NAA30: variants seen among roughly 807,000 people sequenced by gnomAD.
NAA30 encodes N-alpha-acetyltransferase 30.
In NAA30, 5 loss-of-function variants were observed where a neutral mutation model predicts 31.4. The observed-to-expected ratio is 0.16, with a 90% CI of 0.08 to 0.33. The LOEUF (loss-of-function observed/expected upper bound fraction) is 0.33, where lower values mean the gene tolerates loss of function less well. NAA30 is among the 10% of genes least tolerant of loss of function. The probability of loss-of-function intolerance (pLI) is 1.00; values close to 1 mark genes in which losing one functional copy is unlikely to be tolerated. For synonymous variants in NAA30, 222 were observed against 207.1 expected (o/e 1.07, Z -0.62); for missense variants, 428 against 490.8 (o/e 0.87, Z 1.21).
intron 2 of NAA30, among the ~76,000 whole-genome samples, chr14:57,393,708 A>G (rs1045631251): frequency 6.6e-6 from 1 of 152,148 alleles, no homozygotes; most frequent in African/African-American, 2.4e-5. Flanking sequence ...CAATCTCCAG[A>G]TATTTACTGA....
chr14:57,399,857 G>A lies in NAA30; in HGVS notation c.925G>A (p.Ala309Thr). ...GTNLVKKAIY[A>T]MVEGDCDEVV... ...TAACTTGGTTAAGAAAGCTATATAT[G>A]CCATGGTTGAGGGAGACTGTGATGA... Residue 309 changes from alanine to threonine, a missense_variant, in exon 4 of 5, where the codon GCC becomes ACC. Transcript: ENST00000556492. 1 of 1,545,948 alleles carries A rather than the reference G, an allele frequency of 6.5e-7. No homozygotes were observed. Among genetic ancestry groups the A allele is most frequent in the Non-Finnish European group, 8.9e-7 (1 of 1,120,834 alleles).
intron 3 of NAA30, among the ~76,000 whole-genome samples, chr14:57,397,991 TG>T (rs1447091468): frequency 6.6e-6 from 1 of 152,220 alleles, no homozygotes; most frequent in Non-Finnish European, 1.5e-5. Context: ...GACAAGCATT[TG>T]TCTAAGCATG....
intron 4 of NAA30, among the ~76,000 whole-genome samples, chr14:57,407,546 A>G (rs1296237442): frequency 6.6e-6 from 1 of 152,178 alleles, no homozygotes; most frequent in Non-Finnish European, 1.5e-5. Flanking sequence ...TAGACAGAAA[A>G]CAGTTTATTT....
At chr14:57,405,563 T>G in intron 4 of NAA30, among the ~76,000 whole-genome samples, 1 of 152,182 alleles carries the variant, frequency 6.6e-6, no homozygotes, top group Middle Eastern at 3.2e-3. Flanking sequence ...AATAACTGAT[T>G]ATGAGACACC....
chr14:57,398,701 C>T (rs778854453), intron 3 of NAA30, among the ~76,000 whole-genome samples: 2 of 151,956 alleles, frequency 1.3e-5, no homozygotes, highest in South Asian at 2.1e-4. Flanking sequence ...GGCATGATCT[C>T]GACTCACTGC....
chr14:57,407,298 G>A lies in NAA30; in HGVS notation c.952-2081G>A, dbSNP rs1679974115. Among the ~76,000 whole-genome samples the A allele has an allele frequency of 2.0e-5, 3 of 152,092 alleles. No individual in the cohort carries two copies. In the South Asian group the frequency reaches 6.2e-4, roughly 32 times the overall value. On this transcript the variant is annotated intron_variant, in intron 4 of 4. Transcript: ENST00000556492. ...CTTAGGAGCGTGTTTTCTTGATCCT[G>A]AACTGTTAATTACTTCATTTTAGAT...
intron 1 of NAA30, 88 bp from the exon 2 acceptor site, chr14:57,390,869 C>T (rs1186715320): frequency 7.2e-7 from 1 of 1,385,606 alleles, no homozygotes; most frequent in African/African-American, 1.5e-5. Context: ...TTCCCCCCAC[C>T]TCGGCCGCCC....
chr14:57,395,675 T>TCTA (rs2066447398), intron 2 of NAA30, among the ~76,000 whole-genome samples: 1 of 152,180 alleles, frequency 6.6e-6, no homozygotes, highest in Non-Finnish European at 1.5e-5. Context: ...GCTGTACGTT[T>TCTA]TTATTAAAAT....
chr14:57,410,603 A>G lies in NAA30; in HGVS notation c.*1087A>G, dbSNP rs1190895180. ...GTCTTGGAAATAAATTTCAAGGTGC[A>G]TTGTATCCATTTTAAGCTGCTTTAT... On this transcript the variant is annotated 3_prime_UTR_variant, in exon 5 of 5. Transcript: ENST00000556492. 1 of 152,136 alleles carries G rather than the reference A, an allele frequency of 6.6e-6. No homozygotes were observed. 9.4% of individuals were successfully genotyped at this position (152,136 alleles called of 1,614,324 possible). A position where few individuals can be genotyped will look rare whatever the true frequency, so the allele number is the denominator to read the frequency against.
Position 57,391,900 on chromosome 14 carries a change from G to GT in NAA30, c.771+173dup, listed in dbSNP as rs1478993324. Among the ~76,000 whole-genome samples, 2 of 152,184 alleles carry GT rather than the reference G, an allele frequency of 1.3e-5. No homozygotes were observed. The highest frequency in any genetic ancestry group is 4.8e-5 in the African/African-American group (2 of 41,434). ...GTTATTTAATGAAATTGTTTTGAAG[G>GT]TAAGACTTCATGATTCGGGTTAACG... On this transcript the variant is annotated intron_variant, in intron 2 of 4. Transcript: ENST00000556492. The surrounding 1 kb of genome is among the most constrained non-coding windows in gnomAD (Gnocchi z 4.1).
At chr14:57,393,086 A>T (rs1239011753) in intron 2 of NAA30, among the ~76,000 whole-genome samples, 1 of 152,202 alleles carries the variant, frequency 6.6e-6, no homozygotes, top group Non-Finnish European at 1.5e-5. Flanking sequence ...ATTGCTAAAA[A>T]TTGTAGATTT....
Position 57,391,466 on chromosome 14 carries a change from C to T in NAA30, c.509C>T (p.Ala170Val). The T allele has an allele frequency of 6.2e-7, 1 of 1,611,150 alleles. No homozygotes were observed. The highest frequency in any genetic ancestry group is 1.1e-5 in the South Asian group (1 of 90,946). The change falls in exon 2 of 5, where the codon GCC becomes GTC. Residue 170 changes from alanine to valine, a missense_variant. This residue lies in a region of NAA30 where 349 missense variants were observed against 310.4 expected (regional missense o/e 1.12). Coordinates refer to ENST00000556492, the MANE Select transcript of NAA30 (RefSeq NM_001011713.3). This position sits in a 1 kb window ranked among gnomAD's most constrained non-coding sequence, Gnocchi z 4.1. ...CCCGCGGCGGCCCGCAATGGACTGG[C>T]CGAGGGCACCGAGCAGGAGGAGGAG... ...SDPAAARNGL[A>V]EGTEQEEEEE...
At chr14:57,390,790 C>T (rs1003986085) in intron 1 of NAA30, 85 bp downstream of exon 1, 3 of 571,716 alleles carry the variant, frequency 5.2e-6, no homozygotes, top group Admixed American at 1.0e-4. Context: ...AGCAGCTGGG[C>T]GGCGCTGAAG....
At chr14:57,393,183 G>C (rs1293240650) in intron 2 of NAA30, among the ~76,000 whole-genome samples, 1 of 152,170 alleles carries the variant, frequency 6.6e-6, no homozygotes, top group Admixed American at 6.5e-5. Flanking sequence ...GGAAATAGTT[G>C]TGTATATGAT....
intron 3 of NAA30, among the ~76,000 whole-genome samples, chr14:57,399,098 A>G (rs1479898943): frequency 1.3e-5 from 2 of 151,882 alleles, no homozygotes; most frequent in Non-Finnish European, 2.9e-5. Flanking sequence ...CTTGGCCTCA[A>G]GTGATCCACC....
intron 3 of NAA30, among the ~76,000 whole-genome samples, chr14:57,398,115 T>A (rs904023188): frequency 6.6e-6 from 1 of 152,206 alleles, no homozygotes; most frequent in African/African-American, 2.4e-5. Flanking sequence ...CTATTAAGTG[T>A]TATTGTCCAA....
In NAA30 at chr14:57,409,566, A is replaced by G. The variant is rs757612706; in HGVS notation, c.*50A>G. On this transcript the variant is annotated 3_prime_UTR_variant, in exon 5 of 5. Coordinates refer to ENST00000556492, the MANE Select transcript of NAA30 (RefSeq NM_001011713.3). ...TCATCCGCACAGAATCGACCTTTGCATGCAATGCAATTTGTACAGAATTGC... is the reference window on the plus strand; with the variant it reads ...TCATCCGCACAGAATCGACCTTTGCGTGCAATGCAATTTGTACAGAATTGC... 6 of 1,531,906 alleles carry G rather than the reference A, an allele frequency of 3.9e-6. No individual in the cohort carries two copies. In the African/African-American group the frequency reaches 7.0e-5, roughly 18 times the overall value. 94.9% of individuals were successfully genotyped at this position (1,531,906 alleles called of 1,614,324 possible). A position where few individuals can be genotyped will look rare whatever the true frequency, so the allele number is the denominator to read the frequency against.
intron 4 of NAA30, among the ~76,000 whole-genome samples, chr14:57,400,904 T>C (rs2066473489): frequency 6.6e-6 from 1 of 151,660 alleles, no homozygotes; most frequent in Non-Finnish European, 1.5e-5. Flanking sequence ...TTGTTTTTTT[T>C]TTGTTTTTGT....
intron 3 of NAA30, among the ~76,000 whole-genome samples, chr14:57,399,462 T>C (rs767193975): frequency 2.0e-5 from 3 of 152,214 alleles, no homozygotes; most frequent in Non-Finnish European, 2.9e-5. Flanking sequence ...CAGTAAGTTC[T>C]GGCCAACTCA....
Sources: allele counts gnomAD v4.1 joint callset (sites outside exome capture counted in the v4.1 genomes callset), GRCh38; gene constraint gnomAD v4.1.1; regional missense constraint gnomAD v4.1.1; non-coding constraint Gnocchi (gnomAD v3.1); transcripts MANE v1.5; gene names NCBI Gene and HGNC (gene_info 2026-07-23, HGNC 2026-07-21).